The following NSD2 variants were observed in gnomAD, a reference collection of about 807,000 sequenced individuals.
NSD2 encodes the protein nuclear receptor binding SET domain protein 2, also known as histone-lysine N-methyltransferase NSD2.
A neutral mutation model predicts 139.0 loss-of-function variants in NSD2; 12 were observed. The ratio of observed to expected loss-of-function variants is 0.09; its 90% confidence interval spans 0.06 to 0.14. The LOEUF is 0.14. Among genes scored for constraint, NSD2 ranks in the 10% least tolerant of loss-of-function variants. NSD2 has a pLI of 1.00. For synonymous variants in NSD2, 669 were observed against 648.7 expected (o/e 1.03, Z -0.48); for missense variants, 1,155 against 1,745.0 (o/e 0.66, Z 6.02).
chr4:1,934,425 A>T (rs908245130), intron 6 of NSD2, among the ~76,000 whole-genome samples: 2 of 150,646 alleles, frequency 1.3e-5, no homozygotes, highest in Admixed American at 1.3e-4. Flanking sequence ...ATCAGGAGGC[A>T]GAGGTTGCAG....
intron 7 of NSD2, among the ~76,000 whole-genome samples, chr4:1,936,251 G>A (rs1192641293): frequency 1.3e-5 from 2 of 152,180 alleles, no homozygotes; most frequent in South Asian, 2.1e-4. Context: ...TGTAGAAGAC[G>A]TGAGCCCTTT....
At chr4:1,977,036 A>G (rs1461231556) in intron 21 of NSD2, among the ~76,000 whole-genome samples, 1 of 152,220 alleles carries the variant, frequency 6.6e-6, no homozygotes, top group Non-Finnish European at 1.5e-5. Flanking sequence ...CCTAGGAGAA[A>G]GGCCTCTACA....
At position 1,978,663 on chromosome 4, in the gene NSD2, T is replaced by C. The variant is rs1323255641; in HGVS notation, c.3852T>C (p.His1284=). 3 of 1,613,156 alleles carry C rather than the reference T, an allele frequency of 1.9e-6. No homozygotes were observed. The highest frequency in any genetic ancestry group is 4.5e-5 in the East Asian group (2 of 44,858). Residue 1284 remains histidine (H), a synonymous_variant, in exon 22 of 22, where the codon CAT becomes CAC. Transcript: ENST00000508803. ...GGAAGTGGGAATGTCCTTGGCATCATTGTGACGTGTGTGGCAAACCTTCGA... is the reference window on the plus strand; with the variant it reads ...GGAAGTGGGAATGTCCTTGGCATCACTGTGACGTGTGTGGCAAACCTTCGA... ...PFGKWECPWH[H]CDVCGKPSTS... is the part of the protein sequence containing the mutation.
chr4:1,929,443 C>G (rs955648744), intron 5 of NSD2, among the ~76,000 whole-genome samples: 1 of 152,118 alleles, frequency 6.6e-6, no homozygotes, highest in Non-Finnish European at 1.5e-5. Context: ...CCTTCACTTG[C>G]CGAAGTCCAC....
Position 1,900,821 on chromosome 4 carries a change from G to A in NSD2, c.167G>A (p.Ser56Asn), listed in dbSNP as rs772747061. 1 of 1,614,102 alleles carries A rather than the reference G, an allele frequency of 6.2e-7. No individual in the cohort carries two copies. Among genetic ancestry groups the A allele is most frequent in the Non-Finnish European group, 8.5e-7 (1 of 1,180,004 alleles). ...CTCAGCAAAGCCCAGCTCTCCAGTA[G>A]CCTGCAGGAGGGGGTCATGCAGAAG... Reference protein sequence around the residue: ...VFLSKAQLSSSLQEGVMQKFN... With the variant: ...VFLSKAQLSSNLQEGVMQKFN... The change falls in exon 2 of 22, where the codon AGC (serine) becomes AAC (asparagine). Residue 56 changes from serine (S) to asparagine (N), a missense_variant. Ser to Asn is a conservative substitution (Grantham distance 46). Around this residue, in one of 8 missense-constraint regions of NSD2, gnomAD observed 246 missense variants for 262.8 expected, o/e 0.94. Coordinates refer to ENST00000508803, the MANE Select transcript of NSD2 (RefSeq NM_001042424.3).
intron 19 of NSD2, 58 bp from the exon 20 acceptor site, chr4:1,975,236 A>G: frequency 6.4e-7 from 1 of 1,551,420 alleles, no homozygotes. Flanking sequence ...CACGCCCCTT[A>G]GCTTTTGAAG....
At chr4:1,927,280 A>T (rs1721035687) in intron 5 of NSD2, among the ~76,000 whole-genome samples, 2 of 152,156 alleles carry the variant, frequency 1.3e-5, no homozygotes, top group Admixed American at 1.3e-4. Context: ...CCATTTCTGC[A>T]CTATGTTATT....
Position 1,917,113 on chromosome 4 carries a change from T to G in NSD2, c.927+76T>G, listed in dbSNP as rs1031995684. Reference sequence around the variant, plus strand: ...TCTTTAAGTTAACTTATTTTTGTTTTGAACTTATACTTGCTCGAAATATTG... The same window carrying G: ...TCTTTAAGTTAACTTATTTTTGTTTGGAACTTATACTTGCTCGAAATATTG... On this transcript the variant is annotated intron_variant, in intron 4 of 21. Transcript: ENST00000508803. 2.9e-6 allele frequency: 4 copies of G among 1,378,254 alleles called. No homozygotes were observed. The Admixed American group carries it at 1.1e-4, about 37-fold the overall frequency. 85.4% of individuals were successfully genotyped at this position (1,378,254 alleles called of 1,614,324 possible).
intron 18 of NSD2, among the ~76,000 whole-genome samples, chr4:1,964,224 A>G (rs935107405): frequency 2.1e-4 from 32 of 152,206 alleles, no homozygotes; most frequent in African/African-American, 7.2e-4. Context: ...TATGGAGGGT[A>G]AATCAGACAA....
At chr4:1,947,334 C>A in intron 9 of NSD2, 1 of 1,062,204 alleles carries the variant, frequency 9.4e-7, no homozygotes, top group Non-Finnish European at 1.1e-6. Context: ...GTCCTTGCTG[C>A]CACCTGCTTG....
chr4:1,872,054 C>G (rs555168290), intron 1 of NSD2, among the ~76,000 whole-genome samples: 9 of 151,448 alleles, frequency 5.9e-5, no homozygotes, highest in Admixed American at 3.9e-4. Flanking sequence ...CCGGGGCCGG[C>G]GCCGGGGCCA....
chr4:1,947,712 C>T (rs1723780063), intron 9 of NSD2: 20 of 1,053,364 alleles, frequency 1.9e-5, no homozygotes, highest in Non-Finnish European at 2.3e-5. Context: ...TACTTCTCGC[C>T]ATCAGCTTCC....
At chr4:1,949,894 A>G (rs1421261417) in intron 9 of NSD2, among the ~76,000 whole-genome samples, 4 of 152,188 alleles carry the variant, frequency 2.6e-5, no homozygotes, top group Non-Finnish European at 5.9e-5. Flanking sequence ...CTCACTGATA[A>G]GGTCACAGGA....
At chr4:1,921,781 CAAAAAAAA>C (rs748895885) in intron 5 of NSD2, among the ~76,000 whole-genome samples, 5 of 64,984 alleles carry the variant, frequency 7.7e-5, no homozygotes, top group African/African-American at 2.7e-4. Flanking sequence ...GACTCTGTCT[CAAAAAAAA>C]AAAAAAAAAA....
chr4:1,945,452 G>A (rs1325243853), intron 9 of NSD2: 1 of 1,063,372 alleles, frequency 9.4e-7, no homozygotes, highest in Non-Finnish European at 1.1e-6. Flanking sequence ...TCACAGAGAA[G>A]TTTAAAAAAG....
intron 1 of NSD2, among the ~76,000 whole-genome samples, chr4:1,874,297 C>T (rs1714092356): frequency 6.6e-6 from 1 of 152,104 alleles, no homozygotes; most frequent in African/African-American, 2.4e-5. Context: ...ATACGTGGTA[C>T]CATGTCCTGA....
chr4:1,930,150 C>T (rs1268251707), intron 5 of NSD2, among the ~76,000 whole-genome samples: 1 of 152,110 alleles, frequency 6.6e-6, no homozygotes, highest in African/African-American at 2.4e-5. Flanking sequence ...CAGAAGCCAG[C>T]TCGCACTCCT....
chr4:1,877,967 T>A (rs1714382905), intron 1 of NSD2, among the ~76,000 whole-genome samples: 1 of 152,054 alleles, frequency 6.6e-6, no homozygotes, highest in African/African-American at 2.4e-5. Context: ...AGTTTGAGGT[T>A]GCAGGGAACC....
chr4:1,892,478 T>C (rs1341859487), intron 1 of NSD2, among the ~76,000 whole-genome samples: 1 of 152,234 alleles, frequency 6.6e-6, no homozygotes, highest in East Asian at 1.9e-4. Context: ...TAATTAGTTA[T>C]ATAATTCCTA....
Sources: allele counts gnomAD v4.1 joint callset (sites outside exome capture counted in the v4.1 genomes callset), GRCh38; gene constraint gnomAD v4.1.1; regional missense constraint gnomAD v4.1.1; transcripts MANE v1.5; gene names NCBI Gene and HGNC (gene_info 2026-07-23, HGNC 2026-07-21).